The following ZFHX3 variants were observed in gnomAD, a reference collection of about 807,000 sequenced individuals.
ZFHX3 encodes the protein zinc finger homeobox protein 3.
A neutral mutation model predicts 279.1 loss-of-function variants in ZFHX3; 42 were observed. That is an observed-to-expected ratio of 0.15 (90% CI 0.12 to 0.19). ZFHX3 has a LOEUF of 0.19. ZFHX3 is among the 10% of genes least tolerant of loss of function. ZFHX3 has a pLI of 1.00. For missense variants in ZFHX3, 4,981 were observed against 4,754.0 expected, an observed-to-expected ratio of 1.05 and a Z score of -1.40; for synonymous variants, 2,293 against 1,957.8, an observed-to-expected ratio of 1.17 and a Z score of -4.52.
chr16:72,826,829 T>C (rs2036945292), intron 5 of ZFHX3, among the ~76,000 whole-genome samples: 1 of 152,200 alleles, frequency 6.6e-6, no homozygotes, highest in African/African-American at 2.4e-5. Context: ...CATGAGAAAG[T>C]GGAACCTTAT....
chr16:73,761,568 A>T (rs771879463), intron 1 of ZFHX3, among the ~76,000 whole-genome samples: 1 of 152,238 alleles, frequency 6.6e-6, no homozygotes, highest in Non-Finnish European at 1.5e-5. Flanking sequence ...GTGTCATGCT[A>T]CCTGACTTCA....
In ZFHX3 at chr16:73,742,746, T is replaced by C. The variant is rs888700931; in HGVS notation, c.-1607-62506A>G. ...TTGGGAAGAATCAGGGTTCCCCTTTTTTCTACAGAGCTAGGAATTAGTTCA... is the reference window on the plus strand; with the variant it reads ...TTGGGAAGAATCAGGGTTCCCCTTTCTTCTACAGAGCTAGGAATTAGTTCA... On this transcript the variant is annotated intron_variant, in intron 1 of 17. Coordinates refer to the ZFHX3 transcript ENST00000641206. Among the ~76,000 whole-genome samples the C allele has an allele frequency of 4.6e-5, 7 of 152,332 alleles. No individual in the cohort carries two copies. The South Asian group carries it at 1.4e-3, about 32-fold the overall frequency.
At chr16:73,814,314 G>T (rs1217103564) in intron 1 of ZFHX3, among the ~76,000 whole-genome samples, 1 of 151,874 alleles carries the variant, frequency 6.6e-6, no homozygotes, top group Admixed American at 6.6e-5. Context: ...CCAAAACCTA[G>T]CACATAGCAA....
rs2018654856 is a variant in ZFHX3, at chr16:73,470,943, C to T, written c.-1546-14685G>A. Among the ~76,000 whole-genome samples the T allele has an allele frequency of 2.0e-5, 3 of 152,154 alleles. No individual in the cohort carries two copies. In the South Asian group the frequency reaches 6.2e-4, roughly 32 times the overall value. On this transcript the variant is annotated intron_variant, in intron 2 of 17. Coordinates refer to the ZFHX3 transcript ENST00000641206. ...CTCAAAGATCCATATTCTCAGAAGGCAAAGAAGTGAATGTGAGCATCTCAC... is the reference window on the plus strand; with the variant it reads ...CTCAAAGATCCATATTCTCAGAAGGTAAAGAAGTGAATGTGAGCATCTCAC...
intron 1 of ZFHX3, among the ~76,000 whole-genome samples, chr16:73,025,914 C>T (rs879287717): frequency 2.0e-5 from 3 of 152,144 alleles, no homozygotes; most frequent in African/African-American, 7.2e-5. Context: ...TTCAGACAGA[C>T]TGAGACTCAA....
intron 2 of ZFHX3, among the ~76,000 whole-genome samples, chr16:73,649,917 G>A (rs925583266): frequency 6.6e-6 from 1 of 152,202 alleles, no homozygotes; most frequent in East Asian, 1.9e-4. Flanking sequence ...CGAAGCACTG[G>A]TGTGGTTCAG....
At chr16:73,878,672 C>T (rs903401017) in intron 1 of ZFHX3, among the ~76,000 whole-genome samples, 1 of 150,844 alleles carries the variant, frequency 6.6e-6, no homozygotes, top group Admixed American at 6.6e-5. Context: ...TTACAGGTAA[C>T]TAGCGAAAAC....
intron 2 of ZFHX3, among the ~76,000 whole-genome samples, chr16:73,536,587 A>C (rs2143739413): frequency 6.6e-6 from 1 of 152,342 alleles, no homozygotes; most frequent in South Asian, 2.1e-4. Context: ...TAATATGTTA[A>C]TCATATTTTC....
chr16:73,833,966 A>G (rs1961070331), intron 1 of ZFHX3, among the ~76,000 whole-genome samples: 1 of 151,906 alleles, frequency 6.6e-6, no homozygotes, highest in African/African-American at 2.4e-5. Context: ...TATGTTTGAA[A>G]AAGGATGAAG....
At chr16:73,291,166 C>T (rs2014759210) in intron 4 of ZFHX3, among the ~76,000 whole-genome samples, 1 of 152,188 alleles carries the variant, frequency 6.6e-6, no homozygotes, top group African/African-American at 2.4e-5. Context: ...TCCCATTCTC[C>T]TTCCAACGGT....
At chr16:73,539,612 T>C (rs2019975860) in intron 2 of ZFHX3, among the ~76,000 whole-genome samples, 1 of 152,026 alleles carries the variant, frequency 6.6e-6, no homozygotes, top group Non-Finnish European at 1.5e-5. Flanking sequence ...GGAACTTTTA[T>C]AGGTTTCCTC....
chr16:73,410,709 A>C (rs1341258998), intron 3 of ZFHX3, among the ~76,000 whole-genome samples: 2 of 152,236 alleles, frequency 1.3e-5, no homozygotes, highest in African/African-American at 4.8e-5. Flanking sequence ...CAGTAGATGG[A>C]GGAAGGACCC....
chr16:73,768,856 A>G (rs563184000), intron 1 of ZFHX3, among the ~76,000 whole-genome samples: 7 of 152,288 alleles, frequency 4.6e-5, no homozygotes, highest in African/African-American at 1.7e-4. Context: ...CTGTACTCAT[A>G]CAAGCTAGGA....
At chr16:73,723,921 C>A (rs933756830) in intron 1 of ZFHX3, among the ~76,000 whole-genome samples, 1 of 152,188 alleles carries the variant, frequency 6.6e-6, no homozygotes, top group African/African-American at 2.4e-5. Context: ...ACAATCTATA[C>A]TATTATCAAT....
intron 5 of ZFHX3, among the ~76,000 whole-genome samples, chr16:73,166,111 G>A (rs1967358460): frequency 6.6e-6 from 1 of 152,140 alleles, no homozygotes; most frequent in African/African-American, 2.4e-5. Flanking sequence ...ATAGAGAGTC[G>A]CATTGGACCT....
At chr16:73,838,703 T>C (rs191660161) in intron 1 of ZFHX3, among the ~76,000 whole-genome samples, 2 of 152,222 alleles carry the variant, frequency 1.3e-5, no homozygotes, top group Non-Finnish European at 2.9e-5. Context: ...ATATGTGATT[T>C]AGTGAGGTTC....
At chr16:72,889,062 G>C (rs1351943030) in intron 4 of ZFHX3, among the ~76,000 whole-genome samples, 1 of 150,788 alleles carries the variant, frequency 6.6e-6, no homozygotes. Flanking sequence ...CATGGGTGGA[G>C]GGAGGGAGGG....
rs142549802 is a variant in ZFHX3 at position 73,494,983 on chromosome 16, G to T, written c.-1546-38725C>A. On this transcript the variant is annotated intron_variant, in intron 2 of 17. Coordinates refer to the ZFHX3 transcript ENST00000641206. The stretch of plus-strand genomic sequence containing the variant: ...AGTGGTGTTGAGTTCCACTCGCCTT[G>T]TTTCTCTTTTGTATCAATCGTTTCT... Among the ~76,000 whole-genome samples the T allele has an allele frequency of 9.0e-3, 1,375 of 152,266 alleles. 21 individuals carry two copies. The highest frequency in any genetic ancestry group is 0.03 in the African/African-American group (1,239 of 41,546).
At position 73,291,675 on chromosome 16, in the gene ZFHX3, C is replaced by T. The variant is rs369621379; in HGVS notation, c.-1194+26565G>A. Among the ~76,000 whole-genome samples the T allele has an allele frequency of 9.8e-5, 15 of 152,288 alleles. No homozygotes were observed. The South Asian group carries it at 3.1e-3, about 32-fold the overall frequency. On this transcript the variant is annotated intron_variant, in intron 4 of 17. Coordinates refer to the ZFHX3 transcript ENST00000641206. ...TAGCACCTGGTAAGCAGGTGTATTG[C>T]CCCTGAAGGAATAGGCAGGTACCTT...
Sources: allele counts gnomAD v4.1 joint callset (sites outside exome capture counted in the v4.1 genomes callset), GRCh38; gene constraint gnomAD v4.1.1; transcripts MANE v1.5; gene names NCBI Gene and HGNC (gene_info 2026-07-23, HGNC 2026-07-21).